The following RGS7 variants were observed in gnomAD, a reference collection of about 807,000 sequenced individuals.
RGS7 encodes the protein regulator of G-protein signaling 7.
Under a neutral mutation model 81.1 loss-of-function variants are expected in RGS7, and 27 were observed. The observed-to-expected ratio is 0.33, with a 90% CI of 0.25 to 0.46. RGS7 has a LOEUF of 0.46. Among genes scored for constraint, RGS7 ranks in the 20% least tolerant of loss-of-function variants. The pLI, the probability that RGS7 is intolerant of heterozygous loss-of-function variation, is 1.00. For synonymous variants in RGS7, 208 were observed against 207.7 expected (o/e 1.00, Z -0.01); for missense variants, 396 against 607.4 (o/e 0.65, Z 3.66).
intron 2 of RGS7, among the ~76,000 whole-genome samples, chr1:241,102,977 C>G (rs919847678): frequency 5.8e-5 from 8 of 137,940 alleles, no homozygotes; most frequent in Non-Finnish European, 1.2e-4. Flanking sequence ...TTAGCAACAG[C>G]AATTGGATGA....
intron 10 of RGS7, among the ~76,000 whole-genome samples, chr1:240,818,779 G>A (rs537131411): frequency 1.3e-5 from 2 of 152,156 alleles, no homozygotes; most frequent in African/African-American, 4.8e-5. Context: ...CCAGAGGCTG[G>A]GATAGGGGGT....
chr1:241,327,468 C>T (rs1044806787), intron 2 of RGS7, among the ~76,000 whole-genome samples: 3 of 152,112 alleles, frequency 2.0e-5, no homozygotes, highest in Non-Finnish European at 4.4e-5. Context: ...GAAAAGCCAA[C>T]AGCATAAGTT....
chr1:241,068,651 T>A (rs1452258610), intron 3 of RGS7, among the ~76,000 whole-genome samples: 1 of 152,050 alleles, frequency 6.6e-6, no homozygotes, highest in Non-Finnish European at 1.5e-5. Flanking sequence ...TCACATCATC[T>A]TTTCTCGAGA....
intron 6 of RGS7, among the ~76,000 whole-genome samples, chr1:240,875,848 C>A (rs1246293309): frequency 6.6e-6 from 1 of 152,194 alleles, no homozygotes; most frequent in Non-Finnish European, 1.5e-5. Context: ...TGAAAAATGT[C>A]TATTTAGGTT....
chr1:240,855,329 G>GAAAAAAAA (rs140107478), intron 9 of RGS7, among the ~76,000 whole-genome samples: 1 of 114,842 alleles, frequency 8.7e-6, no homozygotes, highest in African/African-American at 3.6e-5. Context: ...AAAAAAAAAG[G>GAAAAAAAA]AGAAACAAAG....
chr1:241,218,736 C>T (rs1297931334), intron 2 of RGS7, among the ~76,000 whole-genome samples: 1 of 152,178 alleles, frequency 6.6e-6, no homozygotes, highest in African/African-American at 2.4e-5. Flanking sequence ...CCTCCACCTC[C>T]CAGGTTCACG....
chr1:241,225,400 T>C (rs951983997), intron 2 of RGS7, among the ~76,000 whole-genome samples: 1 of 152,236 alleles, frequency 6.6e-6, no homozygotes, highest in Non-Finnish European at 1.5e-5. Flanking sequence ...TCATTGCTGA[T>C]AGCATAAGAG....
At chr1:240,916,300 G>C (rs1229633067) in intron 6 of RGS7, among the ~76,000 whole-genome samples, 1 of 149,316 alleles carries the variant, frequency 6.7e-6, no homozygotes, top group Non-Finnish European at 1.5e-5. Flanking sequence ...AAAATAGAGA[G>C]AGAAAGAGAG....
intron 4 of RGS7, among the ~76,000 whole-genome samples, chr1:240,982,066 A>C (rs1356821432): frequency 6.6e-6 from 1 of 151,860 alleles, no homozygotes; most frequent in African/African-American, 2.4e-5. Context: ...TATGCATCTT[A>C]TTTTCTTTCA....
chr1:240,816,201 G>C, intron 11 of RGS7, 116 bp downstream of exon 11: 1 of 749,828 alleles, frequency 1.3e-6, no homozygotes, highest in South Asian at 1.5e-5. Context: ...TCTTCCACAT[G>C]AAACAGTCAG....
intron 2 of RGS7, among the ~76,000 whole-genome samples, chr1:241,311,086 T>C (rs2080499260): frequency 6.6e-6 from 1 of 152,222 alleles, no homozygotes; most frequent in Non-Finnish European, 1.5e-5. Flanking sequence ...AAAGCAGTTA[T>C]AAAAATTTAA....
chr1:241,160,580 A>G lies in RGS7; in HGVS notation c.79-61818T>C, dbSNP rs542800272. ...AGCAGTCTAGAACTGGCTGCAGAAT[A>G]TATGTTTGGATTTTGTAACTTTCAT... On this transcript the variant is annotated intron_variant, in intron 2 of 18. Coordinates refer to ENST00000440928, the MANE Select transcript of RGS7 (RefSeq NM_001364886.1). 2.6e-5 allele frequency among the ~76,000 whole-genome samples: 4 copies of G among 152,264 alleles called. No individual in the cohort carries two copies. In the East Asian group the frequency reaches 7.7e-4, roughly 29 times the overall value.
intron 3 of RGS7, among the ~76,000 whole-genome samples, chr1:241,074,498 G>T (rs2062678557): frequency 6.6e-6 from 1 of 152,216 alleles, no homozygotes; most frequent in African/African-American, 2.4e-5. Context: ...TTCAGGTACA[G>T]CTGGAGCCAG....
intron 4 of RGS7, among the ~76,000 whole-genome samples, chr1:240,942,990 C>T (rs562146365): frequency 6.6e-6 from 1 of 152,158 alleles, no homozygotes; most frequent in African/African-American, 2.4e-5. Flanking sequence ...AGAAGTACCT[C>T]AGCTTTCATC....
intron 2 of RGS7, among the ~76,000 whole-genome samples, chr1:241,170,516 C>T (rs1224347104): frequency 6.6e-6 from 1 of 152,142 alleles, no homozygotes; most frequent in Non-Finnish European, 1.5e-5. Context: ...CTGCAAATCT[C>T]TTACGCATTT....
intron 6 of RGS7, 54 bp from the exon 7 acceptor site, chr1:240,870,173 A>G (rs1378520347): frequency 6.8e-7 from 1 of 1,468,552 alleles, no homozygotes; most frequent in East Asian, 2.3e-5. Context: ...TGGCACTATA[A>G]GTAAAAGTAC....
At chr1:240,900,358 A>G (rs946303024) in intron 6 of RGS7, among the ~76,000 whole-genome samples, 10 of 152,094 alleles carry the variant, frequency 6.6e-5, no homozygotes, top group Admixed American at 6.5e-4. Flanking sequence ...CCTTTGGAGG[A>G]GAAGAGGCAC....
At chr1:241,321,404 C>T (rs930071945) in intron 2 of RGS7, among the ~76,000 whole-genome samples, 6 of 152,132 alleles carry the variant, frequency 3.9e-5, no homozygotes, top group African/African-American at 4.8e-5. Context: ...AGTCCCCAGG[C>T]GGATTCAAAC....
chr1:241,035,052 T>C (rs905590913), intron 3 of RGS7, among the ~76,000 whole-genome samples: 2 of 152,126 alleles, frequency 1.3e-5, no homozygotes, highest in East Asian at 1.9e-4. Flanking sequence ...TGAAGGTTTT[T>C]TCATGCTGTG....
Sources: gnomAD v4.1 joint callset for allele counts (sites outside exome capture counted in the v4.1 genomes callset) on GRCh38, gnomAD v4.1.1 for gene constraint, MANE v1.5 for transcripts, NCBI Gene and HGNC (gene_info 2026-07-23, HGNC 2026-07-21) for gene names.